The following AHI1 variants were observed in gnomAD, a reference collection of about 807,000 sequenced individuals.
AHI1 encodes the protein jouberin.
A neutral mutation model predicts 149.3 loss-of-function variants in AHI1; 123 were observed. That is an observed-to-expected ratio of 0.82 (90% CI 0.71 to 0.96). The LOEUF (loss-of-function observed/expected upper bound fraction) is 0.96, where lower values mean the gene tolerates loss of function less well. Ranked by LOEUF, AHI1 falls within the 40% of genes least tolerant of loss-of-function variation. AHI1 has a pLI of 0.00. For missense variants in AHI1, 1,439 were observed against 1,422.7 expected (o/e 1.01, Z -0.18); for synonymous variants, 475 against 459.8 (o/e 1.03, Z -0.42).
chr6:135,315,622 C>T (rs1785829718), intron 26 of AHI1, among the ~76,000 whole-genome samples: 1 of 152,116 alleles, frequency 6.6e-6, no homozygotes, highest in Non-Finnish European at 1.5e-5. Context: ...GAAGAGACTA[C>T]TGAAGAAGAA....
intron 14 of AHI1, among the ~76,000 whole-genome samples, chr6:135,441,244 A>T (rs189481249): frequency 6.6e-6 from 1 of 152,186 alleles, no homozygotes; most frequent in African/African-American, 2.4e-5. Flanking sequence ...TGAAAGAATT[A>T]CTAAATTTGA....
At chr6:135,481,169 C>A (rs372433504) in intron 5 of AHI1, among the ~76,000 whole-genome samples, 2 of 152,158 alleles carry the variant, frequency 1.3e-5, no homozygotes, top group Admixed American at 6.5e-5. Flanking sequence ...AGAGTCCTCA[C>A]CAGCAAAAAG....
At chr6:135,293,406 G>GAAAAAAAAAAAAAAAAAAAA (rs71547029) in intron 27 of AHI1, among the ~76,000 whole-genome samples, 31 of 65,614 alleles carry the variant, frequency 4.7e-4, no homozygotes, top group Admixed American at 6.7e-4. Context: ...AAAAAAAAAA[G>GAAAAAAAAAAAAAAAAAAAA]AAAAAAAAAA....
At chr6:135,494,540 A>T (rs1223456968) in intron 3 of AHI1, among the ~76,000 whole-genome samples, 2 of 152,244 alleles carry the variant, frequency 1.3e-5, no homozygotes, top group Non-Finnish European at 2.9e-5. Context: ...CAGTGTTTTT[A>T]TAAAGATTAA....
At chr6:135,399,029 A>T in intron 22 of AHI1, among the ~76,000 whole-genome samples, 1 of 152,084 alleles carries the variant, frequency 6.6e-6, no homozygotes, top group East Asian at 1.9e-4. Flanking sequence ...ACAAAAAAAT[A>T]AAAAATTAGC....
At chr6:135,452,886 C>T (rs1583303465) in intron 11 of AHI1, among the ~76,000 whole-genome samples, 1 of 152,072 alleles carries the variant, frequency 6.6e-6, no homozygotes, top group Non-Finnish European at 1.5e-5. Context: ...TTTCCCTGAC[C>T]CCACAGTTCA....
At chr6:135,455,082 T>C (rs1263596462) in intron 10 of AHI1, among the ~76,000 whole-genome samples, 1 of 152,208 alleles carries the variant, frequency 6.6e-6, no homozygotes, top group African/African-American at 2.4e-5. Flanking sequence ...TAAAGAAATG[T>C]GGTATTCTAG....
At chr6:135,445,764 T>C (rs1482934884) in intron 13 of AHI1, among the ~76,000 whole-genome samples, 1 of 152,058 alleles carries the variant, frequency 6.6e-6, no homozygotes, top group Non-Finnish European at 1.5e-5. Flanking sequence ...TTTAAAAGAA[T>C]GGGTCTTGCT....
intron 24 of AHI1, among the ~76,000 whole-genome samples, chr6:135,329,438 G>C (rs1199404109): frequency 6.6e-6 from 1 of 152,062 alleles, no homozygotes; most frequent in African/African-American, 2.4e-5. Flanking sequence ...CTCTATAAAT[G>C]GAAGAACAAA....
At chr6:135,426,798 T>A (rs111878073) in intron 20 of AHI1, among the ~76,000 whole-genome samples, 1 of 151,618 alleles carries the variant, frequency 6.6e-6, no homozygotes, top group Non-Finnish European at 1.5e-5. Flanking sequence ...TTTTCACTGA[T>A]GTGATTTTCC....
At chr6:135,465,074 G>A (rs917910150) in intron 7 of AHI1, among the ~76,000 whole-genome samples, 1 of 152,132 alleles carries the variant, frequency 6.6e-6, no homozygotes, top group Non-Finnish European at 1.5e-5. Flanking sequence ...TTTGAAAAGA[G>A]GGGAATTATT....
intron 20 of AHI1, among the ~76,000 whole-genome samples, chr6:135,420,562 A>C (rs148988584): frequency 3.9e-5 from 6 of 152,224 alleles, no homozygotes; most frequent in Admixed American, 1.3e-4. Flanking sequence ...CTTGCACTTT[A>C]ATGTTATGGA....
intron 24 of AHI1, among the ~76,000 whole-genome samples, chr6:135,326,565 A>ATT (rs561143197): frequency 6.8e-6 from 1 of 146,194 alleles, no homozygotes. Context: ...CCCACAGGTA[A>ATT]TTTTTTTTTT....
At position 135,301,223 on chromosome 6, in the gene AHI1, CA is replaced by C. The variant is rs1783840078; in HGVS notation, c.3427-666del. 3.0e-6 allele frequency: 3 copies of C among 984,306 alleles called. No homozygotes were observed. In the Admixed American group the frequency reaches 1.8e-4, roughly 61 times the overall value. The allele number at this position is 984,306 out of a possible 1,614,324, so 61.0% of individuals were successfully genotyped here. On this transcript the variant is annotated intron_variant, in intron 26 of 28. Coordinates refer to ENST00000265602, the MANE Select transcript of AHI1 (RefSeq NM_001134831.2). ...CCTAATGTTGCTATAAAACGAATTG[CA>C]ATTTTTTTTAGAGATAATCACGTTA...
intron 7 of AHI1, 36 bp downstream of exon 7, chr6:135,465,778 T>G: frequency 2.1e-6 from 3 of 1,422,294 alleles, no homozygotes; most frequent in Non-Finnish European, 2.8e-6. Context: ...AGTGTTTTTC[T>G]AAGAGGATAT....
chr6:135,292,561 T>TC (rs1015521326), intron 27 of AHI1, among the ~76,000 whole-genome samples: 4 of 152,094 alleles, frequency 2.6e-5, no homozygotes, highest in Non-Finnish European at 5.9e-5. Context: ...CTGCAAAAGG[T>TC]CCCCCTCAAG....
chr6:135,423,890 A>G (rs891020794), intron 20 of AHI1, among the ~76,000 whole-genome samples: 1 of 152,068 alleles, frequency 6.6e-6, no homozygotes, highest in African/African-American at 2.4e-5. Context: ...TTATCAGACA[A>G]TGCTGAGAAC....
intron 22 of AHI1, among the ~76,000 whole-genome samples, chr6:135,396,345 T>C (rs186278617): frequency 2.2e-4 from 34 of 151,854 alleles, no homozygotes; most frequent in African/African-American, 8.2e-4. Flanking sequence ...CTTTCCATCT[T>C]TAAATGGAGA....
Position 135,429,885 on chromosome 6 carries a change from C to A in AHI1, c.2489G>T (p.Arg830Leu). 1 of 1,524,094 alleles carries A rather than the reference C, an allele frequency of 6.6e-7. No homozygotes were observed. The highest frequency in any genetic ancestry group is 1.2e-5 in the South Asian group (1 of 83,404). 94.4% of individuals were successfully genotyped at this position (1,524,094 alleles called of 1,614,324 possible). ...KDSTLRIMDL[R>L]ILVARKFVGA... ...GTCAACACTGAAATATACTTACATC[C>A]GGAGATCCATAATTCTCAAAGTACT... Residue 830 changes from arginine (R) to leucine (L), a missense_variant, in exon 18 of 29, where the codon CGG becomes CTG. Transcript: ENST00000265602.
Sources: gnomAD v4.1 joint callset for allele counts (sites outside exome capture counted in the v4.1 genomes callset) on GRCh38, gnomAD v4.1.1 for gene constraint, MANE v1.5 for transcripts, NCBI Gene and HGNC (gene_info 2026-07-23, HGNC 2026-07-21) for gene names.